DHRSX: variants seen among roughly 807,000 people sequenced by gnomAD.
The protein encoded by DHRSX is dehydrogenase/reductase X-linked, also known as polyprenol dehydrogenase.
In DHRSX, 31 loss-of-function variants were observed where a neutral mutation model predicts 34.0. That is an observed-to-expected ratio of 0.91 (90% CI 0.69 to 1.23). The LOEUF (loss-of-function observed/expected upper bound fraction) is 1.23, where lower values mean the gene tolerates loss of function less well. Ranked by LOEUF, DHRSX falls within the 50% of genes most tolerant of loss-of-function variation. The pLI is 0.00. For missense variants in DHRSX, 414 were observed against 428.1 expected (o/e 0.97, Z 0.29); for synonymous variants, 201 against 183.8 (o/e 1.09, Z -0.76).
At chrX:2,464,396 G>T (rs2044452524) in intron 1 of DHRSX, among the ~76,000 whole-genome samples, 1 of 151,482 alleles carries the variant, frequency 6.6e-6, no homozygotes, top group Non-Finnish European at 1.5e-5. Flanking sequence ...TGTGGCTAAG[G>T]GACTGCTACC....
chrX:2,422,280 T>C (rs1344733676), intron 2 of DHRSX, among the ~76,000 whole-genome samples: 1 of 152,140 alleles, frequency 6.6e-6, no homozygotes, highest in African/African-American at 2.4e-5. Context: ...AGTCTTTTTT[T>C]GAGACAGAGT....
chrX:2,465,827 G>GAAAAAAAAAA (rs1478487140), intron 1 of DHRSX, among the ~76,000 whole-genome samples: 16 of 134,236 alleles, frequency 1.2e-4, no homozygotes, highest in African/African-American at 3.2e-4. Context: ...AAAAAAAAAA[G>GAAAAAAAAAA]AGAAAAGAAA....
chrX:2,477,929 C>T (rs371908596), intron 1 of DHRSX, among the ~76,000 whole-genome samples: 1 of 152,086 alleles, frequency 6.6e-6, no homozygotes, highest in African/African-American at 2.4e-5. Context: ...CCGGGAAATG[C>T]ACAGACCACC....
chrX:2,386,882 G>GTTTTTTTTTT (rs57827913), intron 3 of DHRSX, among the ~76,000 whole-genome samples: 1 of 124,098 alleles, frequency 8.1e-6, no homozygotes, highest in Admixed American at 8.1e-5. Context: ...TGATGGTTTT[G>GTTTTTTTTTT]TTTTTTTTTT....
chrX:2,227,271 G>A (rs751718903), intron 6 of DHRSX, among the ~76,000 whole-genome samples: 1 of 151,842 alleles, frequency 6.6e-6, no homozygotes, highest in African/African-American at 2.4e-5. Context: ...TCAAAGGTCA[G>A]TGAAGGGTTG....
intron 1 of DHRSX, among the ~76,000 whole-genome samples, chrX:2,473,083 C>T (rs1281760893): frequency 6.6e-6 from 1 of 152,150 alleles, no homozygotes; most frequent in African/African-American, 2.4e-5. Context: ...TTGTTCACAG[C>T]CGTGATTAAG....
At chrX:2,328,566 T>A (rs1004277058) in intron 3 of DHRSX, among the ~76,000 whole-genome samples, 31 of 151,322 alleles carry the variant, frequency 2.0e-4, no homozygotes, top group African/African-American at 7.3e-4. Flanking sequence ...TAAGAGGAGA[T>A]GAGGACACAG....
At chrX:2,421,205 C>T (rs1340189782) in intron 2 of DHRSX, among the ~76,000 whole-genome samples, 1 of 152,012 alleles carries the variant, frequency 6.6e-6, no homozygotes, top group African/African-American at 2.4e-5. Context: ...ATGGTGAGGC[C>T]CCATCTCTAC....
rs1211730627 is a variant in DHRSX, at chrX:2,482,343, G to A, written c.109+18474C>T. 3.3e-5 allele frequency among the ~76,000 whole-genome samples: 5 copies of A among 152,050 alleles called. No individual in the cohort carries two copies. The East Asian group carries it at 9.7e-4, about 29-fold the overall frequency. ...AAGGTCTCAGTATGTTGACCAGGCTGGTCTCAAACCCCTGAGTTCAAGTGA... is the reference window on the plus strand; with the variant it reads ...AAGGTCTCAGTATGTTGACCAGGCTAGTCTCAAACCCCTGAGTTCAAGTGA... On this transcript the variant is annotated intron_variant, in intron 1 of 6. Transcript: ENST00000334651.
chrX:2,312,654 C>T (rs1164599092), intron 3 of DHRSX, among the ~76,000 whole-genome samples: 1 of 151,904 alleles, frequency 6.6e-6, no homozygotes, highest in East Asian at 1.9e-4. Flanking sequence ...TACCATGGCA[C>T]GTGTATACCT....
At chrX:2,355,240 A>T (rs1163173320) in intron 3 of DHRSX, among the ~76,000 whole-genome samples, 1 of 152,196 alleles carries the variant, frequency 6.6e-6, no homozygotes, top group Admixed American at 6.6e-5. Flanking sequence ...GGCCGGGCAC[A>T]ATGGCTCGCA....
chrX:2,437,296 G>A (rs1245905844), intron 1 of DHRSX, among the ~76,000 whole-genome samples: 1 of 151,654 alleles, frequency 6.6e-6, no homozygotes, highest in Admixed American at 6.6e-5. Context: ...ACCATGCCCG[G>A]ACACAAGGTC....
At chrX:2,293,829 G>A (rs2041896368) in intron 3 of DHRSX, among the ~76,000 whole-genome samples, 1 of 152,094 alleles carries the variant, frequency 6.6e-6, no homozygotes, top group South Asian at 2.1e-4. Context: ...GGTGGGGGGA[G>A]GGGTCTGCCT....
At chrX:2,243,764 C>A (rs1363755898) in intron 5 of DHRSX, among the ~76,000 whole-genome samples, 3 of 144,016 alleles carry the variant, frequency 2.1e-5, no homozygotes, top group African/African-American at 7.6e-5. Flanking sequence ...GCTGGGATTA[C>A]AGGCAGGAGC....
chrX:2,357,081 T>C (rs1444208057), intron 3 of DHRSX, among the ~76,000 whole-genome samples: 1 of 152,036 alleles, frequency 6.6e-6, no homozygotes, highest in African/African-American at 2.4e-5. Flanking sequence ...CCGTCTCTAC[T>C]GAAAATACAA....
intron 1 of DHRSX, among the ~76,000 whole-genome samples, chrX:2,451,548 G>A (rs1223968213): frequency 6.6e-6 from 1 of 152,194 alleles, no homozygotes; most frequent in Non-Finnish European, 1.5e-5. Context: ...TGTAGGGGAA[G>A]AAGAATGTGG....
At chrX:2,385,436 G>A (rs1258156355) in intron 3 of DHRSX, among the ~76,000 whole-genome samples, 1 of 151,990 alleles carries the variant, frequency 6.6e-6, no homozygotes, top group East Asian at 1.9e-4. Context: ...AGCCACAGCA[G>A]GCATCACTAA....
chrX:2,269,378 G>A (rs1362505501), intron 4 of DHRSX, among the ~76,000 whole-genome samples: 3 of 151,290 alleles, frequency 2.0e-5, no homozygotes, highest in Non-Finnish European at 4.4e-5. Flanking sequence ...ATATGTGCTT[G>A]TATTTGTGTG....
chrX:2,276,774 A>G lies in DHRSX; in HGVS notation c.389-9827T>C, dbSNP rs1173977664. 8.5e-5 allele frequency among the ~76,000 whole-genome samples: 12 copies of G among 141,030 alleles called. No homozygotes were observed. The South Asian group carries it at 9.5e-4, about 11-fold the overall frequency. The allele number at this position is 141,030 out of a possible 152,430, so 92.5% of individuals were successfully genotyped here. A position where few individuals can be genotyped will look rare whatever the true frequency, so the allele number is the denominator to read the frequency against. ...AGAGAGAGAGGGAGGGCAAAGAAGG[A>G]AGAGAGAAGGAGAGGGAGGAAATAG... On this transcript the variant is annotated intron_variant, in intron 4 of 6. Transcript: ENST00000334651.
Sources: gnomAD v4.1 joint callset for allele counts (sites outside exome capture counted in the v4.1 genomes callset) on GRCh38, gnomAD v4.1.1 for gene constraint, MANE v1.5 for transcripts, NCBI Gene and HGNC (gene_info 2026-07-23, HGNC 2026-07-21) for gene names.